TRIM37: variants seen among roughly 807,000 people sequenced by gnomAD.
TRIM37 encodes the protein tripartite motif containing 37.
Under a neutral mutation model 129.8 loss-of-function variants are expected in TRIM37, and 80 were observed. That is an observed-to-expected ratio of 0.62 (90% CI 0.51 to 0.74). The LOEUF is 0.74. TRIM37 is among the 30% of genes least tolerant of loss of function. TRIM37 has a pLI of 0.00. For missense variants in TRIM37, 1,054 were observed against 1,176.5 expected (o/e 0.90, Z 1.52); for synonymous variants, 389 against 387.1 (o/e 1.00, Z -0.06).
At chr17:59,088,619 C>T (rs907557565) in intron 3 of TRIM37, among the ~76,000 whole-genome samples, 4 of 151,616 alleles carry the variant, frequency 2.6e-5, no homozygotes, top group Non-Finnish European at 4.4e-5. Flanking sequence ...TAGGCTCAAG[C>T]GATCCTCCTG....
chr17:59,066,262 G>C (rs2041914736), intron 9 of TRIM37, among the ~76,000 whole-genome samples: 1 of 152,142 alleles, frequency 6.6e-6, no homozygotes, highest in East Asian at 1.9e-4. Flanking sequence ...AATTTGACAT[G>C]TTTTTGAAAT....
intron 6 of TRIM37, 138 bp from the exon 7 acceptor site, chr17:59,080,015 T>C: frequency 3.2e-6 from 3 of 951,152 alleles, no homozygotes; most frequent in South Asian, 1.6e-5. Context: ...CCAACTTGCT[T>C]ATATTTCAAA....
intron 17 of TRIM37, among the ~76,000 whole-genome samples, chr17:59,040,066 C>T (rs1008643117): frequency 1.3e-5 from 2 of 151,656 alleles, no homozygotes; most frequent in Admixed American, 6.6e-5. Context: ...CCACATCTGG[C>T]TAATTTTTTT....
rs778282370 is a variant in TRIM37 at position 59,079,750 on chromosome 17, T to A, written c.616+4A>T. 6.2e-6 allele frequency: 10 copies of A among 1,613,914 alleles called. No individual in the cohort carries two copies. The South Asian group carries it at 7.7e-5, about 12-fold the overall frequency. On this transcript the variant is annotated splice_donor_region_variant and intron_variant, in intron 7 of 23. Transcript: ENST00000262294. Reference sequence around the variant, plus strand: ...GTACCCCAGCAGCATACATAAACACTTACCCATCAGTGTTATAAGCTTATT... The same window carrying A: ...GTACCCCAGCAGCATACATAAACACATACCCATCAGTGTTATAAGCTTATT...
chr17:58,972,809 C>G, the TRIM37 span: 7 of 1,591,996 alleles, frequency 4.4e-6, no homozygotes, highest in Non-Finnish European at 8.6e-7. Flanking sequence ...TTATTTGCTT[C>G]TTTTTATTGC....
At chr17:59,081,964 A>AAAAAAATAATAAT (rs1568200247) in intron 5 of TRIM37, among the ~76,000 whole-genome samples, 31 of 87,178 alleles carry the variant, frequency 3.6e-4, no homozygotes, top group African/African-American at 1.5e-3. Flanking sequence ...AAAAAAAAAA[A>AAAAAAATAATAAT]AATAATAATA....
chr17:59,069,142 T>C (rs1412817850), intron 9 of TRIM37, among the ~76,000 whole-genome samples: 1 of 151,238 alleles, frequency 6.6e-6, no homozygotes. Flanking sequence ...AGGTGAGGAG[T>C]TTGAGACCAG....
At chr17:59,032,962 G>C (rs1239323280) in intron 17 of TRIM37, among the ~76,000 whole-genome samples, 2 of 152,128 alleles carry the variant, frequency 1.3e-5, no homozygotes, top group Non-Finnish European at 2.9e-5. Context: ...TCTGTAGGCA[G>C]ATATTATGCC....
intron 13 of TRIM37, among the ~76,000 whole-genome samples, chr17:59,052,551 T>C (rs569231023): frequency 6.6e-6 from 1 of 152,322 alleles, no homozygotes; most frequent in Admixed American, 6.5e-5. Context: ...ACACTGACTA[T>C]AAAACAACAG....
chr17:59,040,995 G>A (rs1000093042), intron 17 of TRIM37, among the ~76,000 whole-genome samples: 1 of 151,990 alleles, frequency 6.6e-6, no homozygotes, highest in African/African-American at 2.4e-5. Flanking sequence ...GCAGTGAGCC[G>A]AGATTGCGCC....
chr17:59,056,169 C>G (rs1013593856), intron 13 of TRIM37, among the ~76,000 whole-genome samples: 1 of 151,964 alleles, frequency 6.6e-6, no homozygotes, highest in South Asian at 2.1e-4. Flanking sequence ...TGGAACATTA[C>G]TATACTTACT....
At chr17:58,975,725 G>A in the TRIM37 span, among the ~76,000 whole-genome samples, 1,183 of 152,290 alleles carry the variant, frequency 7.8e-3, 15 homozygotes, top group African/African-American at 0.026. Flanking sequence ...CCTTATGTGC[G>A]AGGCTAAGTA....
chr17:59,010,699 G>T (rs1713695473), intron 22 of TRIM37, among the ~76,000 whole-genome samples: 2 of 151,940 alleles, frequency 1.3e-5, no homozygotes, highest in Admixed American at 6.6e-5. Flanking sequence ...CACTATGTTT[G>T]CCAGGCTGGT....
chr17:59,083,955 C>G (rs1243869775), intron 5 of TRIM37, 47 bp downstream of exon 5: 1 of 1,455,970 alleles, frequency 6.9e-7, no homozygotes, highest in Non-Finnish European at 9.6e-7. Flanking sequence ...TATTTCAGTG[C>G]CTTCTAGCCT....
At chr17:59,091,840 G>A (rs910261359) in intron 2 of TRIM37, among the ~76,000 whole-genome samples, 2 of 151,058 alleles carry the variant, frequency 1.3e-5, no homozygotes, top group Non-Finnish European at 2.9e-5. Context: ...GAAAAGCAAT[G>A]ATTTCAGGAC....
chr17:59,009,096 T>C (rs577331715), intron 22 of TRIM37, among the ~76,000 whole-genome samples: 1 of 152,242 alleles, frequency 6.6e-6, no homozygotes, highest in East Asian at 1.9e-4. Context: ...GGCTCTAGGT[T>C]CAAATTCTAG....
At chr17:58,980,880 CACTT>C, downstream of TRIM37, 3 of 1,614,190 alleles carry the variant, frequency 1.9e-6, no homozygotes, top group Non-Finnish European at 2.5e-6. The surrounding 1 kb of genome is among the most constrained non-coding windows in gnomAD (Gnocchi z 4.7). Context: ...AGCCTGTCCT[CACTT>C]ACTGGAAGTG....
chr17:59,016,013 T>A (rs2035884518), intron 20 of TRIM37, among the ~76,000 whole-genome samples: 1 of 151,500 alleles, frequency 6.6e-6, no homozygotes, highest in Non-Finnish European at 1.5e-5. Context: ...GGAGGGATAA[T>A]CAGAAAAAAG....
intron 5 of TRIM37, among the ~76,000 whole-genome samples, chr17:59,081,964 A>AAAAAAAAAAAAAT (rs1568200247): frequency 2.3e-5 from 2 of 87,226 alleles, no homozygotes; most frequent in African/African-American, 5.1e-5. Flanking sequence ...AAAAAAAAAA[A>AAAAAAAAAAAAAT]AATAATAATA....
Sources: gnomAD v4.1 joint callset for allele counts (sites outside exome capture counted in the v4.1 genomes callset) on GRCh38, gnomAD v4.1.1 for gene constraint, Gnocchi (gnomAD v3.1) non-coding constraint, MANE v1.5 for transcripts, NCBI Gene and HGNC (gene_info 2026-07-23, HGNC 2026-07-21) for gene names.